NEK5: variants seen among roughly 807,000 people sequenced by gnomAD.
NEK5 encodes the protein serine/threonine-protein kinase Nek5.
Under a neutral mutation model 109.2 loss-of-function variants are expected in NEK5, and 88 were observed. The ratio of observed to expected loss-of-function variants is 0.81; its 90% confidence interval spans 0.68 to 0.96. NEK5 has a LOEUF of 0.96. Ranked by LOEUF, NEK5 falls within the 40% of genes least tolerant of loss-of-function variation. The pLI is 0.00. For missense variants in NEK5, 834 were observed against 920.7 expected (o/e 0.91, Z 1.22); for synonymous variants, 283 against 299.9 (o/e 0.94, Z 0.58).
At chr13:52,115,073 C>T (rs1244617351) in intron 4 of NEK5, among the ~76,000 whole-genome samples, 3 of 150,096 alleles carry the variant, frequency 2.0e-5, no homozygotes, top group Non-Finnish European at 3.0e-5. Flanking sequence ...AGTGCAGTGG[C>T]GCAATCTCGG....
intron 21 of NEK5, among the ~76,000 whole-genome samples, chr13:52,062,530 C>T (rs1047178374): frequency 1.1e-4 from 16 of 152,046 alleles, no homozygotes; most frequent in African/African-American, 3.6e-4. Context: ...AAGCAATTCT[C>T]CTGCCTCAGC....
Position 52,110,509 on chromosome 13 carries a change from CCTGTGTAATAT to C in NEK5, c.370_380del (p.Ile124GlyfsTer10). The C allele has an allele frequency of 6.2e-7, 1 of 1,611,858 alleles. No individual in the cohort carries two copies. On this transcript the variant is annotated frameshift_variant, in exon 6 of 24. Coordinates refer to ENST00000684899, the MANE Select transcript of NEK5 (RefSeq NM_001365552.1). LOFTEE classifies it high-confidence loss of function. ...GAGCTGTTACCTGAGCTTTTATGTCCCTGTGTAATATCTTCCTGTCATGAATATGTTTTAGT... is the reference window on the plus strand; with the variant it reads ...GAGCTGTTACCTGAGCTTTTATGTCCCTTCCTGTCATGAATATGTTTTAGT...
rs1397742666 is a variant in NEK5 at position 52,035,795 on chromosome 13, A to G, written c.*1153T>C. 6.6e-6 allele frequency: 1 copy of G among 152,140 alleles called. No individual in the cohort carries two copies. Among genetic ancestry groups the G allele is most frequent in the Non-Finnish European group, 1.5e-5 (1 of 68,032 alleles). 9.4% of individuals were successfully genotyped at this position (152,140 alleles called of 1,614,324 possible). The stretch of plus-strand genomic sequence containing the variant: ...AAATGGCCATGGTCATTTAGTGCAT[A>G]ATTAACACACCATGCCTTGTTGTTC... On this transcript the variant is annotated 3_prime_UTR_variant, in exon 24 of 24. Transcript: ENST00000684899.
chr13:52,050,107 T>A lies in NEK5; in HGVS notation c.2225A>T (p.Asp742Val), dbSNP rs1566729366. Residue 742 changes from aspartate to valine, a missense_variant, in exon 23 of 24, where the codon GAT (aspartate) becomes GTT (valine). This residue lies in a region of NEK5 where 57 missense variants were observed against 96.0 expected (regional missense o/e 0.59). Transcript: ENST00000684899. ...TATCGGCAAATGATCTACTTACGTA[T>A]CATCATCATCAGATCTTGGTTCTAG... ...EQLEPRSDDD[D>V]TNFEESEDEL... The A allele has an allele frequency of 4.0e-5, 39 of 963,944 alleles. No individual in the cohort carries two copies. Among genetic ancestry groups the A allele is most frequent in the Non-Finnish European group, 4.6e-5 (37 of 810,034 alleles). 59.7% of individuals were successfully genotyped at this position (963,944 alleles called of 1,614,324 possible). A position where few individuals can be genotyped will look rare whatever the true frequency, so the allele number is the denominator to read the frequency against.
intron 5 of NEK5, 147 bp downstream of exon 5, chr13:52,112,121 G>A (rs1283038184): frequency 6.7e-6 from 3 of 449,342 alleles, no homozygotes; most frequent in Non-Finnish European, 1.2e-5. Context: ...AATCTACCAA[G>A]AATATTGATC....
chr13:52,063,334 C>T (rs1449850106), intron 21 of NEK5, among the ~76,000 whole-genome samples: 2 of 152,250 alleles, frequency 1.3e-5, no homozygotes, highest in East Asian at 1.9e-4. Flanking sequence ...CTCGGCCTCC[C>T]GAGGTGCCGG....
intron 4 of NEK5, among the ~76,000 whole-genome samples, chr13:52,114,110 G>A (rs1955805870): frequency 2.0e-5 from 3 of 152,106 alleles, no homozygotes; most frequent in Admixed American, 2.0e-4. Flanking sequence ...CTAACAGCTG[G>A]GATCTTGTTA....
intron 23 of NEK5, among the ~76,000 whole-genome samples, chr13:52,038,032 A>T (rs184262833): frequency 2.0e-3 from 298 of 152,342 alleles, no homozygotes; most frequent in African/African-American, 6.9e-3. Flanking sequence ...AAGGGAATAG[A>T]TCAATAAGAC....
chr13:52,043,520 G>C (rs1954431418), intron 23 of NEK5, among the ~76,000 whole-genome samples: 1 of 136,592 alleles, frequency 7.3e-6, no homozygotes, highest in Non-Finnish European at 1.5e-5. Flanking sequence ...CTGGGTGACA[G>C]AGCAAGACTC....
At chr13:52,075,562 C>T (rs1040514767) in intron 19 of NEK5, among the ~76,000 whole-genome samples, 196 bp downstream of exon 19, 34 of 152,044 alleles carry the variant, frequency 2.2e-4, no homozygotes, top group African/African-American at 5.8e-4. Flanking sequence ...ACCTGGGTGA[C>T]GGGATCATTC....
chr13:52,082,269 C>T (rs1317458339), intron 17 of NEK5: 6 of 546,926 alleles, frequency 1.1e-5, no homozygotes, highest in Non-Finnish European at 1.7e-5. Flanking sequence ...GAGCCAAGAT[C>T]GTGCCATTGC....
chr13:52,087,442 A>G lies in NEK5; in HGVS notation c.1288T>C (p.Ser430Pro). The G allele has an allele frequency of 1.3e-6, 2 of 1,574,280 alleles. No homozygotes were observed. Among genetic ancestry groups the G allele is most frequent in the Middle Eastern group, 1.7e-4 (1 of 5,976 alleles). The change falls in exon 15 of 24, where the codon TCT (serine) becomes CCT (proline). Residue 430 changes from serine to proline, a missense_variant. Ser to Pro is a moderately conservative substitution (Grantham distance 74). This residue lies in a region of NEK5 where 777 missense variants were observed against 824.7 expected (regional missense o/e 0.94). Transcript: ENST00000684899. ...KVEKQLGLRP[S>P]SAEPNYNQRQ... ...TGGTTGTAATTTGGCTCGGCAGAAG[A>G]TGGACGAAGACCCTATTTATTGAAT...
chr13:52,067,577 T>A (rs1170613895), intron 20 of NEK5, among the ~76,000 whole-genome samples: 2 of 151,970 alleles, frequency 1.3e-5, no homozygotes. Context: ...CTTTCCTTTT[T>A]GGGGCATACT....
rs117500581 is a variant in NEK5 at position 52,074,605 on chromosome 13, T to C, written c.1722+1153A>G. Reference sequence around the variant, plus strand: ...TTTGTGATTAAGTCCTCAAAAGCAATTGCAACAAAAACAAAATTGACAAGT... The same window carrying C: ...TTTGTGATTAAGTCCTCAAAAGCAACTGCAACAAAAACAAAATTGACAAGT... On this transcript the variant is annotated intron_variant, in intron 19 of 23. Transcript: ENST00000684899. Among the ~76,000 whole-genome samples the C allele has an allele frequency of 4.3e-3, 654 of 152,178 alleles. 10 individuals carry two copies. The East Asian group carries it at 0.057, about 13-fold the overall frequency.
intron 23 of NEK5, among the ~76,000 whole-genome samples, chr13:52,045,702 T>G (rs1954452431): frequency 2.8e-5 from 4 of 142,072 alleles, no homozygotes; most frequent in Admixed American, 2.2e-4. Context: ...GAGGTGGAGC[T>G]TGCAGTGAGC....
intron 11 of NEK5, 142 bp downstream of exon 11, chr13:52,101,791 A>G (rs1421040320): frequency 2.9e-6 from 2 of 689,114 alleles, no homozygotes; most frequent in Non-Finnish European, 5.0e-6. Context: ...GCCATTTGAC[A>G]AGATGATTTT....
intron 20 of NEK5, among the ~76,000 whole-genome samples, chr13:52,067,536 A>G (rs1954709661): frequency 6.6e-6 from 1 of 152,070 alleles, no homozygotes; most frequent in South Asian, 2.1e-4. Context: ...TTTTGTGGGC[A>G]TGTACATGGT....
chr13:52,111,707 C>T (rs1447379220), intron 5 of NEK5, among the ~76,000 whole-genome samples: 1 of 152,170 alleles, frequency 6.6e-6, no homozygotes, highest in Non-Finnish European at 1.5e-5. Flanking sequence ...TCATGAGTAC[C>T]ACTCCCAAGA....
chr13:52,100,682 T>C (rs909988999), intron 11 of NEK5, among the ~76,000 whole-genome samples: 1 of 152,112 alleles, frequency 6.6e-6, no homozygotes, highest in African/African-American at 2.4e-5. Context: ...GAGACCAGCC[T>C]GGGCAACACA....
Sources: gnomAD v4.1 joint callset for allele counts (sites outside exome capture counted in the v4.1 genomes callset) on GRCh38, gnomAD v4.1.1 for gene constraint, gnomAD v4.1.1 regional missense constraint, MANE v1.5 for transcripts, NCBI Gene and HGNC (gene_info 2026-07-23, HGNC 2026-07-21) for gene names.